Variants in DCC observed in about 807,000 individuals in gnomAD.
DCC encodes the protein netrin receptor DCC.
Under a neutral mutation model 172.5 loss-of-function variants are expected in DCC, and 58 were observed. That is an observed-to-expected ratio of 0.34 (90% CI 0.27 to 0.42). The LOEUF is 0.42. DCC is among the 10% of genes least tolerant of loss of function. The pLI, the probability that DCC is intolerant of heterozygous loss-of-function variation, is 1.00. For synonymous variants in DCC, 709 were observed against 644.5 expected (o/e 1.10, Z -1.52); for missense variants, 1,740 against 1,791.0 (o/e 0.97, Z 0.51).
At chr18:52,352,085 T>G (rs1465788192) in intron 1 of DCC, among the ~76,000 whole-genome samples, 1 of 152,172 alleles carries the variant, frequency 6.6e-6, no homozygotes, top group Non-Finnish European at 1.5e-5. Context: ...ACCTATAAAA[T>G]GGACACAAAA....
intron 2 of DCC, among the ~76,000 whole-genome samples, chr18:52,801,075 C>T (rs571456589): frequency 2.1e-4 from 32 of 152,242 alleles, no homozygotes; most frequent in African/African-American, 7.2e-4. Flanking sequence ...GTGAGAGTCT[C>T]AGTGTGCAAG....
chr18:52,840,881 A>G (rs1568137706), intron 2 of DCC, among the ~76,000 whole-genome samples: 1 of 152,242 alleles, frequency 6.6e-6, no homozygotes, highest in Non-Finnish European at 1.5e-5. Context: ...GAATTTGTAG[A>G]ACTCATATTC....
At chr18:52,341,275 C>A (rs1412537253) in intron 1 of DCC, among the ~76,000 whole-genome samples, 2 of 152,086 alleles carry the variant, frequency 1.3e-5, no homozygotes, top group Admixed American at 6.5e-5. Context: ...GCGAGGAGGA[C>A]ATCCAGGGGC....
intron 15 of DCC, among the ~76,000 whole-genome samples, chr18:53,343,856 C>T (rs1372703135): frequency 1.3e-5 from 2 of 151,964 alleles, no homozygotes; most frequent in African/African-American, 2.4e-5. Context: ...GATTTGCAAA[C>T]TTTCTTGTAT....
chr18:52,765,525 AC>A (rs2037233973), intron 2 of DCC, among the ~76,000 whole-genome samples: 2 of 152,156 alleles, frequency 1.3e-5, no homozygotes, highest in Admixed American at 6.6e-5. Context: ...ACCTTCAGGA[AC>A]CTTTAACTGG....
chr18:52,408,557 C>A (rs1309000299), intron 1 of DCC, among the ~76,000 whole-genome samples: 2 of 152,022 alleles, frequency 1.3e-5, no homozygotes, highest in Non-Finnish European at 2.9e-5. Context: ...TAAGTAATTA[C>A]ACCCCAGGTT....
rs115930609 is a variant in DCC, at chr18:52,926,721, G to A, written c.985+1351G>A. On this transcript the variant is annotated intron_variant, in intron 5 of 28. Transcript: ENST00000442544. ...ACATTATTTTGACATGTAATGGTTC[G>A]TTGATATCTGAGATAAACATATGCA... 2.3e-3 allele frequency among the ~76,000 whole-genome samples: 346 copies of A among 150,598 alleles called. 1 individual carries two copies. Among genetic ancestry groups the A allele is most frequent in the African/African-American group, 7.3e-3 (301 of 41,280 alleles).
At chr18:52,552,128 T>G (rs2144724689) in intron 1 of DCC, among the ~76,000 whole-genome samples, 1 of 151,756 alleles carries the variant, frequency 6.6e-6, no homozygotes, top group South Asian at 2.1e-4. Context: ...ATACAGAGCT[T>G]ACAAAAAGTG....
intron 2 of DCC, among the ~76,000 whole-genome samples, chr18:52,775,384 C>T (rs1473726612): frequency 1.3e-5 from 2 of 152,206 alleles, no homozygotes. Context: ...TGTTAAGCAG[C>T]TCAAGTAGAC....
At chr18:52,625,605 G>A in intron 1 of DCC, among the ~76,000 whole-genome samples, 1 of 152,050 alleles carries the variant, frequency 6.6e-6, no homozygotes, top group Non-Finnish European at 1.5e-5. Context: ...GTCCACCAAA[G>A]AACAGACAAG....
chr18:52,550,075 T>C (rs1341755611), intron 1 of DCC, among the ~76,000 whole-genome samples: 1 of 152,042 alleles, frequency 6.6e-6, no homozygotes, highest in Non-Finnish European at 1.5e-5. Context: ...ATAGGTCATG[T>C]TGATAGTATG....
intron 17 of DCC, 90 bp downstream of exon 17, chr18:53,391,977 G>T (rs548904635): frequency 2.6e-6 from 2 of 770,932 alleles, no homozygotes; most frequent in African/African-American, 1.7e-5. Flanking sequence ...GTCATGAGTC[G>T]TTTTGCTGCT....
intron 5 of DCC, among the ~76,000 whole-genome samples, chr18:52,996,126 T>C (rs1398561533): frequency 2.0e-5 from 3 of 152,026 alleles, no homozygotes; most frequent in African/African-American, 7.2e-5. Flanking sequence ...AGAGCATGTT[T>C]AGTACTGCAT....
chr18:53,134,536 A>G (rs2144329504), intron 7 of DCC, among the ~76,000 whole-genome samples: 1 of 152,230 alleles, frequency 6.6e-6, no homozygotes, highest in South Asian at 2.1e-4. Flanking sequence ...TTGGAGATAC[A>G]GAGATTCACA....
intron 1 of DCC, among the ~76,000 whole-genome samples, chr18:52,479,770 T>C (rs568148550): frequency 6.6e-6 from 1 of 152,196 alleles, no homozygotes; most frequent in Admixed American, 6.5e-5. Context: ...AGAAAATCAA[T>C]AAGGAAAATG....
At chr18:52,673,585 T>C (rs1299738651) in intron 1 of DCC, among the ~76,000 whole-genome samples, 1 of 152,228 alleles carries the variant, frequency 6.6e-6, no homozygotes, top group Non-Finnish European at 1.5e-5. Flanking sequence ...TTCTTCACTA[T>C]AAATTTTTTC....
chr18:52,831,263 T>A (rs2145295275), intron 2 of DCC, among the ~76,000 whole-genome samples: 1 of 152,226 alleles, frequency 6.6e-6, no homozygotes, highest in South Asian at 2.1e-4. Flanking sequence ...GGACATGAGC[T>A]ATGATTAGAA....
In DCC at chr18:53,278,160, G is replaced by T. The variant is rs527239098; in HGVS notation, c.1912-27418G>T. Reference sequence around the variant, plus strand: ...ACTAAAATTGAACAGTATAAATTTGGCACAGTGTACATTAAAAAATCTGAA... The same window carrying T: ...ACTAAAATTGAACAGTATAAATTTGTCACAGTGTACATTAAAAAATCTGAA... On this transcript the variant is annotated intron_variant, in intron 12 of 28. Coordinates refer to ENST00000442544, the MANE Select transcript of DCC (RefSeq NM_005215.4). 9.0e-4 allele frequency among the ~76,000 whole-genome samples: 137 copies of T among 152,052 alleles called. 1 individual carries two copies. Among genetic ancestry groups the T allele is most frequent in the African/African-American group, 3.1e-3 (129 of 41,478 alleles).
At chr18:52,874,138 C>T (rs1431748) in intron 2 of DCC, among the ~76,000 whole-genome samples, 2 of 151,946 alleles carry the variant, frequency 1.3e-5, no homozygotes, top group Non-Finnish European at 2.9e-5. Context: ...AACACTTACC[C>T]TAAACTTAAA....
Sources: allele counts gnomAD v4.1 joint callset (sites outside exome capture counted in the v4.1 genomes callset), GRCh38; gene constraint gnomAD v4.1.1; transcripts MANE v1.5; gene names NCBI Gene and HGNC (gene_info 2026-07-23, HGNC 2026-07-21).